The following PLCG2 variants were observed in gnomAD, a reference collection of about 807,000 sequenced individuals.
PLCG2 encodes the protein 1-phosphatidylinositol 4,5-bisphosphate phosphodiesterase gamma-2.
Under a neutral mutation model 175.6 loss-of-function variants are expected in PLCG2, and 69 were observed. The observed-to-expected ratio is 0.39, with a 90% confidence interval of 0.32 to 0.48. PLCG2 has a LOEUF of 0.48. Ranked by LOEUF, PLCG2 falls within the 20% of genes least tolerant of loss-of-function variation. The pLI, the probability that PLCG2 is intolerant of heterozygous loss-of-function variation, is 0.91. For missense variants in PLCG2, 1,798 were observed against 1,650.9 expected, an observed-to-expected ratio of 1.09 and a Z score of -1.54; for synonymous variants, 827 against 624.0, an observed-to-expected ratio of 1.33 and a Z score of -4.85.
intron 2 of PLCG2, among the ~76,000 whole-genome samples, chr16:81,814,147 T>C (rs1904436178): frequency 6.6e-6 from 1 of 152,034 alleles, no homozygotes; most frequent in African/African-American, 2.4e-5. Context: ...GTGCCAAACT[T>C]TGGGGCTAGG....
intron 2 of PLCG2, among the ~76,000 whole-genome samples, chr16:81,796,156 A>T: frequency 6.6e-6 from 1 of 152,248 alleles, no homozygotes; most frequent in Non-Finnish European, 1.5e-5. Flanking sequence ...GGCACTGAGG[A>T]CTTTCCTGTC....
At chr16:81,883,488 A>G in intron 9 of PLCG2, 147 bp downstream of exon 9, 1 of 643,198 alleles carries the variant, frequency 1.6e-6, no homozygotes. Flanking sequence ...TCATGGAACG[A>G]TTGCAGTCTG....
At chr16:81,808,795 C>T (rs919614313) in intron 2 of PLCG2, among the ~76,000 whole-genome samples, 10 of 152,160 alleles carry the variant, frequency 6.6e-5, no homozygotes, top group African/African-American at 2.4e-4. Context: ...ACCTGGCCAC[C>T]ACTGTGCAAT....
chr16:81,843,773 C>G (rs922722630), intron 2 of PLCG2, among the ~76,000 whole-genome samples: 1 of 152,150 alleles, frequency 6.6e-6, no homozygotes, highest in African/African-American at 2.4e-5. Flanking sequence ...AAATTGGACC[C>G]TGGTTGGTAG....
chr16:81,841,232 ATTT>A (rs1335782047), intron 2 of PLCG2, among the ~76,000 whole-genome samples: 2 of 150,810 alleles, frequency 1.3e-5, no homozygotes, highest in Non-Finnish European at 3.0e-5. Flanking sequence ...TTATTTATTT[ATTT>A]ATTTATTTAT....
chr16:81,770,794 C>T (rs1013209711), intron 2 of PLCG2, among the ~76,000 whole-genome samples: 4 of 152,192 alleles, frequency 2.6e-5, no homozygotes, highest in South Asian at 4.1e-4. Context: ...CGCGGTGGCT[C>T]ACGCCTGTTA....
intron 30 of PLCG2, among the ~76,000 whole-genome samples, chr16:81,945,703 C>T (rs558906641): frequency 6.6e-6 from 1 of 152,286 alleles, no homozygotes; most frequent in East Asian, 1.9e-4. Flanking sequence ...AAGATCAATA[C>T]TGCTATGAAC....
chr16:81,752,123 C>CACGT (rs1473253610), intron 1 of PLCG2, among the ~76,000 whole-genome samples: 2 of 152,160 alleles, frequency 1.3e-5, no homozygotes, highest in Admixed American at 6.5e-5. Flanking sequence ...CCCCGTCTAT[C>CACGT]ACGTATGAAC....
At chr16:81,886,268 GC>G (rs1031452643) in intron 9 of PLCG2, among the ~76,000 whole-genome samples, 4 of 152,330 alleles carry the variant, frequency 2.6e-5, no homozygotes, top group East Asian at 1.9e-4. Context: ...GGGATCTGGG[GC>G]CAGGAGAAAG....
At position 81,939,837 on chromosome 16, in the gene PLCG2, T is replaced by C. The variant is rs11150425; in HGVS notation, c.3314-55T>C. ...CAGCTGAAGGATGCGGAGATTGTCT[T>C]ACCAGAAGGGGGCAGCTCCAATGTG... is the stretch of plus-strand genomic sequence containing the variant. On this transcript the variant is annotated intron_variant, in intron 29 of 32. Transcript: ENST00000564138. 84,529 of 1,244,436 alleles carry C rather than the reference T, an allele frequency of 0.068. 3,802 individuals carry two copies. The highest frequency in any genetic ancestry group is 0.17 in the Admixed American group (10,013 of 57,480). The allele number at this position is 1,244,436 out of a possible 1,614,324, so 77.1% of individuals were successfully genotyped here.
At chr16:81,887,457 G>T (rs936643650) in intron 9 of PLCG2, among the ~76,000 whole-genome samples, 1 of 152,150 alleles carries the variant, frequency 6.6e-6, no homozygotes, top group Non-Finnish European at 1.5e-5. Flanking sequence ...TGGGTTTCAT[G>T]TTCTAGTATT....
At chr16:81,764,065 G>A (rs1480028766) in intron 2 of PLCG2, among the ~76,000 whole-genome samples, 1 of 152,088 alleles carries the variant, frequency 6.6e-6, no homozygotes, top group Non-Finnish European at 1.5e-5. Flanking sequence ...GGCTGAGGCA[G>A]GAGGATTGCT....
At chr16:81,903,406 T>G (rs922456952) in intron 14 of PLCG2, among the ~76,000 whole-genome samples, 13 of 152,138 alleles carry the variant, frequency 8.5e-5, no homozygotes, top group African/African-American at 3.1e-4. Context: ...CCCCCATGGG[T>G]AAGAGCATCA....
chr16:81,772,487 G>A (rs1910303219), intron 2 of PLCG2, among the ~76,000 whole-genome samples: 1 of 152,052 alleles, frequency 6.6e-6, no homozygotes, highest in Non-Finnish European at 1.5e-5. Flanking sequence ...ACGGGGCCTG[G>A]TATTAAATAA....
At chr16:81,763,299 A>G (rs1910077945) in intron 2 of PLCG2, among the ~76,000 whole-genome samples, 1 of 152,214 alleles carries the variant, frequency 6.6e-6, no homozygotes, top group South Asian at 2.1e-4. Context: ...TGCATAACAG[A>G]TGACTCCAAA....
chr16:81,797,251 G>T (rs888168989), intron 2 of PLCG2, among the ~76,000 whole-genome samples: 5 of 151,440 alleles, frequency 3.3e-5, no homozygotes, highest in Non-Finnish European at 7.4e-5. Flanking sequence ...GAGGGATCTA[G>T]TTAAAGATGT....
At chr16:81,780,416 G>A (rs1243862038) in intron 1 of PLCG2, among the ~76,000 whole-genome samples, 2 of 152,166 alleles carry the variant, frequency 1.3e-5, no homozygotes, top group African/African-American at 4.8e-5. Context: ...CTGGTTCAAG[G>A]GCATTCTCTG....
intron 1 of PLCG2, among the ~76,000 whole-genome samples, chr16:81,784,017 C>G (rs1181796553): frequency 1.3e-5 from 2 of 152,192 alleles, no homozygotes; most frequent in Non-Finnish European, 2.9e-5. Context: ...TCTTGCTGCT[C>G]TCTGCCCGCC....
At chr16:81,891,438 G>A (rs1172397420) in intron 10 of PLCG2, 34 bp from the exon 11 acceptor site, 8 of 1,164,094 alleles carry the variant, frequency 6.9e-6, no homozygotes, top group Admixed American at 6.7e-5. Context: ...GCCCGTCAAC[G>A]TGATGATTCG....
Sources: gnomAD v4.1 joint callset for allele counts (sites outside exome capture counted in the v4.1 genomes callset) on GRCh38, gnomAD v4.1.1 for gene constraint, MANE v1.5 for transcripts, NCBI Gene and HGNC (gene_info 2026-07-23, HGNC 2026-07-21) for gene names.